MAST1: variants seen among roughly 807,000 people sequenced by gnomAD.
The protein encoded by MAST1 is microtubule-associated serine/threonine-protein kinase 1.
A neutral mutation model predicts 124.6 loss-of-function variants in MAST1; 40 were observed. The observed-to-expected ratio is 0.32, with a 90% CI of 0.25 to 0.42. The LOEUF (loss-of-function observed/expected upper bound fraction) is 0.42. Ranked by LOEUF, MAST1 falls within the 10% of genes least tolerant of loss-of-function variation. The pLI, the probability that MAST1 is intolerant of heterozygous loss-of-function variation, is 1.00. For missense variants in MAST1, 1,558 were observed against 2,181.9 expected (o/e 0.71, Z 5.70); for synonymous variants, 938 against 939.4 (o/e 1.00, Z 0.03).
chr19:12,858,958 A>C (rs2145901631), intron 12 of MAST1: 1 of 607,284 alleles, frequency 1.6e-6, no homozygotes, highest in East Asian at 2.7e-5. Flanking sequence ...CAGCATAAAA[A>C]CATTCAGTCT....
intron 4 of MAST1, among the ~76,000 whole-genome samples, chr19:12,846,476 T>A (rs1264669175): frequency 6.6e-6 from 1 of 151,846 alleles, no homozygotes; most frequent in Non-Finnish European, 1.5e-5. Flanking sequence ...AGCAAAAATT[T>A]GAAGGATGAG....
At chr19:12,860,919 C>G (rs915173471) in intron 12 of MAST1, among the ~76,000 whole-genome samples, 2 of 152,070 alleles carry the variant, frequency 1.3e-5, no homozygotes, top group African/African-American at 2.4e-5. Flanking sequence ...AACACCTCCT[C>G]ATCATCTCCC....
chr19:12,844,627 A>G (rs544682019), intron 4 of MAST1, among the ~76,000 whole-genome samples: 1 of 152,324 alleles, frequency 6.6e-6, no homozygotes, highest in South Asian at 2.1e-4. Flanking sequence ...ATGGAAGAGA[A>G]GGGAGAAGAG....
chr19:12,869,364 A>G, intron 22 of MAST1, 69 bp downstream of exon 22: 2 of 1,318,454 alleles, frequency 1.5e-6, no homozygotes, highest in South Asian at 1.3e-5. Context: ...CTCCAGCTCA[A>G]ACCAGTTAGC....
Position 12,865,327 on chromosome 19 carries a change from C to A in MAST1, c.1650C>A (p.Thr550=). The A allele has an allele frequency of 6.3e-7, 1 of 1,595,372 alleles. No individual in the cohort carries two copies. Among genetic ancestry groups the A allele is most frequent in the Non-Finnish European group, 8.5e-7 (1 of 1,170,900 alleles). The change falls in exon 15 of 26, where the codon ACC becomes ACA. Residue 550 remains threonine (T), a synonymous_variant. Transcript: ENST00000251472. The surrounding 1 kb of genome is among the most constrained non-coding windows in gnomAD (Gnocchi z 7.1). ...CAGCCTGCCCCCAGGTGTGTGGGAC[C>A]CCAGAGTACATCGCGCCCGAGGTCA... is the stretch of plus-strand genomic sequence containing the variant. ...REFLDKQVCG[T]PEYIAPEVIL...
chr19:12,874,420 C>A lies in MAST1; in HGVS notation c.4263C>A (p.Gly1421=), dbSNP rs371105915. The A allele has an allele frequency of 1.3e-6, 2 of 1,598,388 alleles. No individual in the cohort carries two copies. The highest frequency in any genetic ancestry group is 8.5e-7 in the Non-Finnish European group (1 of 1,179,012). Residue 1421 remains glycine, a synonymous_variant, in exon 26 of 26, where the codon GGC becomes GGA. Transcript: ENST00000251472. The surrounding 1 kb of genome is among the most constrained non-coding windows in gnomAD (Gnocchi z 6.6). The part of the protein sequence containing the change: ...ALSPVQEHET[G]RRSSSGEAGT... Reference sequence around the variant, plus strand: ...GCCCGGTGCAGGAACACGAGACAGGCCGGCGCAGCAGCTCTGGCGAGGCGG... The same window carrying A: ...GCCCGGTGCAGGAACACGAGACAGGACGGCGCAGCAGCTCTGGCGAGGCGG...
At position 12,850,355 on chromosome 19, in the gene MAST1, A is replaced by C. The variant is rs146942758; in HGVS notation, c.775-1579A>C. ...TAACATAGCGAGACCCTGTCTCTAC[A>C]GTAAAACAAGTCAAACAAACAAAGA... On this transcript the variant is annotated intron_variant, in intron 7 of 25. Transcript: ENST00000251472. Among the ~76,000 whole-genome samples the C allele has an allele frequency of 8.1e-4, 123 of 152,286 alleles. 1 individual carries two copies. The highest frequency in any genetic ancestry group is 2.8e-3 in the African/African-American group (118 of 41,564).
rs1477317611 is a variant in MAST1, at chr19:12,858,409, T to C, written c.1125T>C (p.Asp375=). 2.5e-6 allele frequency: 4 copies of C among 1,613,852 alleles called. No homozygotes were observed. The East Asian group carries it at 8.9e-5, about 36-fold the overall frequency. The part of the protein sequence containing the change: ...AKKPPGENDF[D]TIKLISNGAY... Reference sequence around the variant, plus strand: ...AACCGCCGGGGGAGAATGACTTCGATACCATCAAGCTCATAAGCAACGGTG... The same window carrying C: ...AACCGCCGGGGGAGAATGACTTCGACACCATCAAGCTCATAAGCAACGGTG... Residue 375 remains aspartate, a synonymous_variant, in exon 11 of 26, where the codon GAT becomes GAC. Coordinates refer to ENST00000251472, the MANE Select transcript of MAST1 (RefSeq NM_014975.3).
In MAST1 at chr19:12,847,506, T is replaced by A; in HGVS notation, c.488+56T>A. The A allele has an allele frequency of 6.2e-7, 1 of 1,611,070 alleles. No individual in the cohort carries two copies. Among genetic ancestry groups the A allele is most frequent in the Non-Finnish European group, 8.5e-7 (1 of 1,178,230 alleles). On this transcript the variant is annotated intron_variant, in intron 5 of 25. Coordinates refer to ENST00000251472, the MANE Select transcript of MAST1 (RefSeq NM_014975.3). The surrounding 1 kb of genome is among the most constrained non-coding windows in gnomAD (Gnocchi z 5.5). Reference sequence around the variant, plus strand: ...AGCTAGTGGTCTTAGGACTTGTGCTTAGAGAGACCCCTGTCCCCGCGAATA... The same window carrying A: ...AGCTAGTGGTCTTAGGACTTGTGCTAAGAGAGACCCCTGTCCCCGCGAATA...
intron 12 of MAST1, among the ~76,000 whole-genome samples, chr19:12,861,676 TTC>T (rs1331282592): frequency 4.6e-5 from 5 of 108,876 alleles, no homozygotes; most frequent in Non-Finnish European, 9.2e-5. Flanking sequence ...CTTTTTCTTT[TTC>T]TCTCTTTCTT....
chr19:12,850,184 G>A (rs1351228606), intron 7 of MAST1, among the ~76,000 whole-genome samples: 1 of 152,122 alleles, frequency 6.6e-6, no homozygotes, highest in East Asian at 1.9e-4. Context: ...AAAAATTCTT[G>A]TCTTTGGAGA....
At chr19:12,870,214 G>T (rs1970214165) in intron 22 of MAST1, among the ~76,000 whole-genome samples, 1 of 144,930 alleles carries the variant, frequency 6.9e-6, no homozygotes, top group Non-Finnish European at 1.5e-5. Flanking sequence ...AAATGGCCAG[G>T]CGCGGTGGCT....
Position 12,865,329 on chromosome 19 carries a change from C to T in MAST1, c.1652C>T (p.Pro551Leu). 6.3e-7 allele frequency: 1 copy of T among 1,596,478 alleles called. No individual in the cohort carries two copies. Among genetic ancestry groups the T allele is most frequent in the Non-Finnish European group, 8.5e-7 (1 of 1,171,364 alleles). The change falls in exon 15 of 26, where the codon CCA (proline) becomes CTA (leucine). Residue 551 changes from proline to leucine, a missense_variant. Around this residue, in one of 10 missense-constraint regions of MAST1, gnomAD observed 145 missense variants for 350.0 expected, o/e 0.41. Coordinates refer to ENST00000251472, the MANE Select transcript of MAST1 (RefSeq NM_014975.3). This position sits in a 1 kb window ranked among gnomAD's most constrained non-coding sequence, Gnocchi z 7.1. Reference protein sequence around the residue: ...EFLDKQVCGTPEYIAPEVILR... With the variant: ...EFLDKQVCGTLEYIAPEVILR... ...GCCTGCCCCCAGGTGTGTGGGACCC[C>T]AGAGTACATCGCGCCCGAGGTCATC... is the stretch of plus-strand genomic sequence containing the variant.
intron 7 of MAST1, among the ~76,000 whole-genome samples, chr19:12,850,877 T>C (rs1049380113): frequency 1.3e-5 from 2 of 152,064 alleles, no homozygotes; most frequent in South Asian, 4.1e-4. Flanking sequence ...ATTTTGATAT[T>C]TTGGCTTATG....
In MAST1 at chr19:12,847,498, C is replaced by T. The variant is rs1434070715; in HGVS notation, c.488+48C>T. 6.2e-7 allele frequency: 1 copy of T among 1,611,796 alleles called. No homozygotes were observed. Among genetic ancestry groups the T allele is most frequent in the African/African-American group, 1.3e-5 (1 of 74,824 alleles). On this transcript the variant is annotated intron_variant, in intron 5 of 25. Coordinates refer to ENST00000251472, the MANE Select transcript of MAST1 (RefSeq NM_014975.3). This position sits in a 1 kb window ranked among gnomAD's most constrained non-coding sequence, Gnocchi z 5.5. ...TCGTACCAAGCTAGTGGTCTTAGGACTTGTGCTTAGAGAGACCCCTGTCCC... is the reference window on the plus strand; with the variant it reads ...TCGTACCAAGCTAGTGGTCTTAGGATTTGTGCTTAGAGAGACCCCTGTCCC...
At chr19:12,862,214 A>G (rs1468330406) in intron 12 of MAST1, among the ~76,000 whole-genome samples, 3 of 152,134 alleles carry the variant, frequency 2.0e-5, no homozygotes, top group African/African-American at 7.2e-5. Context: ...CATGTTGGCC[A>G]GGCTGGTCTC....
Position 12,867,659 on chromosome 19 carries a change from A to G in MAST1, c.2318+7A>G, listed in dbSNP as rs371817976. The G allele has an allele frequency of 1.2e-5, 19 of 1,574,732 alleles. No individual in the cohort carries two copies. In the African/African-American group the frequency reaches 2.3e-4, roughly 19 times the overall value. On this transcript the variant is annotated splice_region_variant and intron_variant, in intron 19 of 25. Coordinates refer to ENST00000251472, the MANE Select transcript of MAST1 (RefSeq NM_014975.3). ...GAGGGGGCTCTCCGGAGATGTGAGC[A>G]GGGGAATGGCGGAGTTTGGGGGCGG... is the stretch of plus-strand genomic sequence containing the variant.
chr19:12,855,466 A>G (rs981309145), intron 10 of MAST1, among the ~76,000 whole-genome samples: 2 of 152,068 alleles, frequency 1.3e-5, no homozygotes, highest in Non-Finnish European at 2.9e-5. Flanking sequence ...TACTTAAAAA[A>G]AAATAGAAGA....
At chr19:12,871,258 A>G (rs1970230532) in intron 24 of MAST1, 86 bp downstream of exon 24, 1 of 1,562,784 alleles carries the variant, frequency 6.4e-7, no homozygotes, top group Non-Finnish European at 8.7e-7. Flanking sequence ...AGAAGGGAAG[A>G]GCACGGGAAA....
Sources: gnomAD v4.1 joint callset for allele counts (sites outside exome capture counted in the v4.1 genomes callset) on GRCh38, gnomAD v4.1.1 for gene constraint, gnomAD v4.1.1 regional missense constraint, Gnocchi (gnomAD v3.1) non-coding constraint, MANE v1.5 for transcripts, NCBI Gene and HGNC (gene_info 2026-07-23, HGNC 2026-07-21) for gene names.